The following GALNTL6 variants were observed in gnomAD, a reference collection of about 807,000 sequenced individuals.
The protein encoded by GALNTL6 is polypeptide N-acetylgalactosaminyltransferase-like 6.
In GALNTL6, 46 loss-of-function variants were observed where a neutral mutation model predicts 73.7. That is an observed-to-expected ratio of 0.62 (90% CI 0.49 to 0.80). The LOEUF (loss-of-function observed/expected upper bound fraction) is 0.80, where lower values mean the gene tolerates loss of function less well. Ranked by LOEUF, GALNTL6 falls within the 30% of genes least tolerant of loss-of-function variation. GALNTL6 has a pLI of 0.00. For missense variants in GALNTL6, 604 were observed against 755.0 expected (o/e 0.80, Z 2.34); for synonymous variants, 259 against 263.7 (o/e 0.98, Z 0.17).
At chr4:172,869,576 C>G (rs1458080251) in intron 7 of GALNTL6, among the ~76,000 whole-genome samples, 1 of 152,154 alleles carries the variant, frequency 6.6e-6, no homozygotes, top group Non-Finnish European at 1.5e-5. Flanking sequence ...AGTCTGGGCT[C>G]CTAACCACTA....
At chr4:172,137,412 G>A (rs1733667600) in intron 2 of GALNTL6, among the ~76,000 whole-genome samples, 1 of 152,132 alleles carries the variant, frequency 6.6e-6, no homozygotes, top group South Asian at 2.1e-4. Context: ...TCACAAAGGT[G>A]TACAAGATTG....
chr4:172,295,759 C>T, intron 3 of GALNTL6, among the ~76,000 whole-genome samples: 1 of 151,570 alleles, frequency 6.6e-6, no homozygotes. Context: ...CTACCCACCA[C>T]CATTAACACT....
At chr4:172,016,877 T>C (rs187038032) in intron 2 of GALNTL6, among the ~76,000 whole-genome samples, 156 of 152,240 alleles carry the variant, frequency 1.0e-3, no homozygotes, top group Non-Finnish European at 1.8e-3. Context: ...AGTCTTTATG[T>C]GCTGGCTTTC....
chr4:172,706,505 G>A (rs893430945), intron 5 of GALNTL6, among the ~76,000 whole-genome samples: 5 of 151,888 alleles, frequency 3.3e-5, no homozygotes, highest in Non-Finnish European at 7.4e-5. Context: ...ATCCACTCTT[G>A]TTTTCTGTGG....
At chr4:172,706,719 C>T (rs1734377819) in intron 5 of GALNTL6, among the ~76,000 whole-genome samples, 1 of 152,124 alleles carries the variant, frequency 6.6e-6, no homozygotes, top group East Asian at 1.9e-4. Flanking sequence ...TACTGCACAT[C>T]TCAGACTGCG....
At chr4:172,374,675 C>A (rs1023662300) in intron 5 of GALNTL6, among the ~76,000 whole-genome samples, 6 of 152,182 alleles carry the variant, frequency 3.9e-5, no homozygotes, top group Non-Finnish European at 8.8e-5. Context: ...GGGATCCATA[C>A]TGGGGATGGC....
intron 2 of GALNTL6, among the ~76,000 whole-genome samples, chr4:172,015,662 C>T (rs1337232017): frequency 6.6e-6 from 1 of 151,896 alleles, no homozygotes; most frequent in African/African-American, 2.4e-5. Context: ...TAAGGAGATC[C>T]TATTTTGGTA....
At chr4:172,911,404 C>A (rs549898084) in intron 8 of GALNTL6, among the ~76,000 whole-genome samples, 3 of 152,284 alleles carry the variant, frequency 2.0e-5, no homozygotes, top group South Asian at 2.1e-4. Flanking sequence ...AGAGACCACT[C>A]CTTACTTCTG....
intron 2 of GALNTL6, among the ~76,000 whole-genome samples, chr4:171,964,704 T>C (rs76193178): frequency 0.023 from 3,575 of 152,334 alleles, 154 homozygotes; most frequent in African/African-American, 0.081. Flanking sequence ...GTTGGTCTAG[T>C]GGTGGCTATG....
At chr4:172,072,972 G>C (rs1731590425) in intron 2 of GALNTL6, among the ~76,000 whole-genome samples, 1 of 152,110 alleles carries the variant, frequency 6.6e-6, no homozygotes, top group Non-Finnish European at 1.5e-5. Flanking sequence ...GACCCAACGT[G>C]ATCTTATACC....
chr4:172,930,190 A>G (rs1748257646), intron 8 of GALNTL6, among the ~76,000 whole-genome samples: 1 of 152,094 alleles, frequency 6.6e-6, no homozygotes, highest in African/African-American at 2.4e-5. Flanking sequence ...AGGCAGGAGA[A>G]TTGCCTGAAC....
rs571068180 is a variant in GALNTL6, at chr4:172,333,900, C to T, written c.387-14623C>T. 2.0e-5 allele frequency among the ~76,000 whole-genome samples: 3 copies of T among 152,282 alleles called. No homozygotes were observed. The East Asian group carries it at 5.8e-4, about 29-fold the overall frequency. ...ATAGGGGTCTAGTTTTATTCTTCTG[C>T]ATGTGGCTACCCAATTTTCCCAGCA... On this transcript the variant is annotated intron_variant, in intron 4 of 12. Coordinates refer to ENST00000506823, the MANE Select transcript of GALNTL6 (RefSeq NM_001034845.3).
At chr4:172,152,099 C>G (rs1383628642) in intron 2 of GALNTL6, among the ~76,000 whole-genome samples, 1 of 152,006 alleles carries the variant, frequency 6.6e-6, no homozygotes, top group Non-Finnish European at 1.5e-5. Flanking sequence ...GCCTCAGCCT[C>G]CTGAGTAGCT....
At chr4:172,713,222 A>ATGTGTGTG (rs61504713) in intron 5 of GALNTL6, among the ~76,000 whole-genome samples, 10,398 of 138,900 alleles carry the variant, frequency 0.075, 414 homozygotes, top group Admixed American at 0.12. Flanking sequence ...AAAGAATAAG[A>ATGTGTGTG]TGTGTGTGTG....
chr4:172,138,219 G>A (rs72700949), intron 2 of GALNTL6, among the ~76,000 whole-genome samples: 64,580 of 150,952 alleles, frequency 0.43, 14,269 homozygotes, highest in African/African-American at 0.5. Flanking sequence ...GTAAAATGAA[G>A]CTAAATGATA....
intron 2 of GALNTL6, among the ~76,000 whole-genome samples, chr4:171,958,577 T>C (rs1739124846): frequency 1.3e-5 from 2 of 152,142 alleles, no homozygotes; most frequent in African/African-American, 4.8e-5. Flanking sequence ...TTTTGTACAA[T>C]TTCAATGGTC....
At chr4:171,896,708 A>G (rs982316781) in intron 2 of GALNTL6, among the ~76,000 whole-genome samples, 2 of 152,088 alleles carry the variant, frequency 1.3e-5, no homozygotes, top group Non-Finnish European at 2.9e-5. Flanking sequence ...TCACCTCCCA[A>G]AGGCCCCACC....
intron 5 of GALNTL6, among the ~76,000 whole-genome samples, chr4:172,354,863 T>G (rs1248916184): frequency 6.6e-6 from 1 of 152,152 alleles, no homozygotes; most frequent in Non-Finnish European, 1.5e-5. Context: ...ATATCCTTAT[T>G]GAGTCTCACC....
intron 2 of GALNTL6, among the ~76,000 whole-genome samples, chr4:171,868,350 A>G (rs1201974492): frequency 2.7e-5 from 4 of 149,550 alleles, no homozygotes; most frequent in Non-Finnish European, 1.5e-5. Context: ...TCCTTACCCT[A>G]CGATTTTGAT....
Sources: allele counts gnomAD v4.1 joint callset (sites outside exome capture counted in the v4.1 genomes callset), GRCh38; gene constraint gnomAD v4.1.1; transcripts MANE v1.5; gene names NCBI Gene and HGNC (gene_info 2026-07-23, HGNC 2026-07-21).